Variants in SERPINB4 observed in about 807,000 individuals in gnomAD.
SERPINB4 encodes serpin family B member 4.
Under a neutral mutation model 33.2 loss-of-function variants are expected in SERPINB4, and 39 were observed. That is an observed-to-expected ratio of 1.18 (90% CI 0.91 to 1.53). The LOEUF (loss-of-function observed/expected upper bound fraction) is 1.53, where lower values mean the gene tolerates loss of function less well. Ranked by LOEUF, SERPINB4 falls within the 40% of genes most tolerant of loss-of-function variation. SERPINB4 has a pLI of 0.00. For synonymous variants in SERPINB4, 191 were observed against 166.4 expected, an observed-to-expected ratio of 1.15 and a Z score of -1.14; for missense variants, 564 against 455.4, an observed-to-expected ratio of 1.24 and a Z score of -2.17.
At chr18:63,641,963 A>T (rs1913148910) in intron 3 of SERPINB4, 75 bp from the exon 4 acceptor site, 2 of 1,593,824 alleles carry the variant, frequency 1.3e-6, no homozygotes, top group Non-Finnish European at 1.7e-6. Context: ...AGTCTGTTAG[A>T]TCAGTCCCTA....
intron 7 of SERPINB4, 45 bp from the exon 8 acceptor site, chr18:63,638,168 T>C: frequency 6.3e-7 from 1 of 1,576,712 alleles, no homozygotes; most frequent in Non-Finnish European, 8.6e-7. Context: ...ACTGTCGATC[T>C]CTAATACACC....
chr18:63,642,066 G>C (rs1339030088), intron 3 of SERPINB4, among the ~76,000 whole-genome samples, 178 bp from the exon 4 acceptor site: 4 of 152,004 alleles, frequency 2.6e-5, no homozygotes, highest in South Asian at 2.1e-4. Context: ...CCTTATATTT[G>C]ACTTCTTCCA....
In SERPINB4 at chr18:63,643,462, C is replaced by A; in HGVS notation, c.116G>T (p.Gly39Val). 1 of 1,613,676 alleles carries A rather than the reference C, an allele frequency of 6.2e-7. No homozygotes were observed. Among genetic ancestry groups the A allele is most frequent in the South Asian group, 1.1e-5 (1 of 91,064 alleles). Reference sequence around the variant, plus strand: ...GTCTTTGGCTCCTAAGAGGACCATCCCTAATGCTGATGTGATGCTGATAGG... The same window carrying A: ...GTCTTTGGCTCCTAAGAGGACCATCACTAATGCTGATGTGATGCTGATAGG... The part of the protein sequence containing the change: ...YSPISITSAL[G>V]MVLLGAKDNT... Residue 39 changes from glycine (G) to valine (V), a missense_variant, in exon 2 of 8, where the codon GGG becomes GTG. Gly to Val is a moderately radical substitution (Grantham distance 109, BLOSUM62 -3). Transcript: ENST00000341074.
In SERPINB4 at chr18:63,640,894, C is replaced by A; in HGVS notation, c.449G>T (p.Trp150Leu). The A allele has an allele frequency of 6.2e-7, 1 of 1,612,536 alleles. No homozygotes were observed. The change falls in exon 5 of 8, where the codon TGG becomes TTG. Residue 150 changes from tryptophan to leucine, a missense_variant. Trp to Leu is a moderately conservative substitution (Grantham distance 61, BLOSUM62 -2). Coordinates refer to ENST00000341074, the MANE Select transcript of SERPINB4 (RefSeq NM_002974.4). The stretch of plus-strand genomic sequence containing the variant: ...CCTACCATTCGTTTGACTTTCCACC[C>A]AGGAGTTAATCTTCTTTCGACTTTC... ...PEESRKKINS[W>L]VESQTNEKIK...
At chr18:63,642,712 TG>T (rs1913176608) in intron 3 of SERPINB4, among the ~76,000 whole-genome samples, 1 of 152,154 alleles carries the variant, frequency 6.6e-6, no homozygotes, top group Non-Finnish European at 1.5e-5. Flanking sequence ...CACATTATTA[TG>T]ATTAGTATAA....
Position 63,637,823 on chromosome 18 carries a change from G to T in SERPINB4, c.1069C>A (p.Pro357Thr), listed in dbSNP as rs370621712. The T allele has an allele frequency of 4.3e-6, 7 of 1,613,432 alleles. No individual in the cohort carries two copies. The highest frequency in any genetic ancestry group is 4.2e-6 in the Non-Finnish European group (5 of 1,179,704). Residue 357 changes from proline to threonine, a missense_variant, in exon 8 of 8, where the codon CCT (proline) becomes ACT (threonine). Transcript: ENST00000341074. Reference sequence around the variant, plus strand: ...CAACAGAACTCTTCATTAGTTGAAGGAGATGATAATTCGACTACTACTACA... The same window carrying T: ...CAACAGAACTCTTCATTAGTTGAAGTAGATGATAATTCGACTACTACTACA... ...TAVVVVELSS[P>T]STNEEFCCNH...
intron 3 of SERPINB4, among the ~76,000 whole-genome samples, chr18:63,642,437 C>T (rs1485218899): frequency 4.6e-5 from 7 of 152,100 alleles, no homozygotes; most frequent in Middle Eastern, 3.4e-3. Context: ...ATGGGTAACT[C>T]TAAGTCTTTA....
chr18:63,641,761 T>G lies in SERPINB4; in HGVS notation c.350A>C (p.Gln117Pro), dbSNP rs1475644927. 2 of 1,613,262 alleles carry G rather than the reference T, an allele frequency of 1.2e-6. No homozygotes were observed. Among genetic ancestry groups the G allele is most frequent in the Non-Finnish European group, 1.7e-6 (2 of 1,179,396 alleles). The stretch of plus-strand genomic sequence containing the variant: ...TGTGGGTAGGCCAGGTGAAATTACC[T>G]GTAAAAATTGATACGTCTTTTCTCC... The part of the protein sequence containing the change: ...LFGEKTYQFL[Q>P]EYLDAIKKFY... Residue 117 changes from glutamine (Q) to proline (P), a missense_variant and splice_region_variant, in exon 4 of 8, where the codon CAG (glutamine) becomes CCG (proline). Physicochemically the swap from Gln to Pro is moderately conservative, Grantham distance 76. Transcript: ENST00000341074.
intron 3 of SERPINB4, 96 bp downstream of exon 3, chr18:63,643,065 C>G: frequency 6.6e-7 from 1 of 1,507,626 alleles, no homozygotes; most frequent in Non-Finnish European, 9.1e-7. Context: ...AAGATTTTCC[C>G]TAAAACTGGC....
intron 6 of SERPINB4, 96 bp downstream of exon 6, chr18:63,639,537 AT>A (rs1298080598): frequency 1.9e-6 from 2 of 1,061,020 alleles, no homozygotes; most frequent in African/African-American, 1.6e-5. Flanking sequence ...GACATGAACA[AT>A]TTTTATTTTT....
chr18:63,639,641 G>T lies in SERPINB4; in HGVS notation c.605C>A (p.Pro202Gln), dbSNP rs770137016. The T allele has an allele frequency of 8.8e-6, 14 of 1,595,974 alleles. No individual in the cohort carries two copies. Among genetic ancestry groups the T allele is most frequent in the Non-Finnish European group, 1.1e-5 (13 of 1,165,228 alleles). ...KENTKEEKFW[P>Q]NKNTYKSVQM... Reference sequence around the variant, plus strand: ...ATAAAATATAGACAATACCTTGTTTGGCCAAAATTTTTCCTCTTTAGTGTT... The same window carrying T: ...ATAAAATATAGACAATACCTTGTTTTGCCAAAATTTTTCCTCTTTAGTGTT... The change falls in exon 6 of 8, where the codon CCA becomes CAA. Residue 202 changes from proline to glutamine, a missense_variant. Coordinates refer to ENST00000341074, the MANE Select transcript of SERPINB4 (RefSeq NM_002974.4).
intron 3 of SERPINB4, 58 bp downstream of exon 3, chr18:63,643,103 G>A: frequency 2.1e-5 from 33 of 1,607,566 alleles, no homozygotes; most frequent in Non-Finnish European, 2.8e-5. Flanking sequence ...GAAGTTCCAG[G>A]TTTAAACTAT....
intron 1 of SERPINB4, among the ~76,000 whole-genome samples, chr18:63,643,928 C>T (rs1913228235): frequency 1.3e-5 from 2 of 151,954 alleles, no homozygotes; most frequent in South Asian, 4.2e-4. Flanking sequence ...CTGTGGATCA[C>T]ATCCAACCAG....
rs768329404 is a variant in SERPINB4 at position 63,637,802 on chromosome 18, A to G, written c.1090T>C (p.Cys364Arg). The change falls in exon 8 of 8, where the codon TGT (cysteine) becomes CGT (arginine). Residue 364 changes from cysteine (C) to arginine (R), a missense_variant. By Grantham distance (180) the Cys-to-Arg change is radical (BLOSUM62 -3). Coordinates refer to ENST00000341074, the MANE Select transcript of SERPINB4 (RefSeq NM_002974.4). ...AAGAATAGGAAAGGGTGATTACAAC[A>G]GAACTCTTCATTAGTTGAAGGAGAT... ...LSSPSTNEEF[C>R]CNHPFLFFIR... 10 of 1,613,394 alleles carry G rather than the reference A, an allele frequency of 6.2e-6. No individual in the cohort carries two copies. The highest frequency in any genetic ancestry group is 4.0e-5 in the African/African-American group (3 of 74,836).
At chr18:63,639,851 C>T (rs1389096184) in intron 5 of SERPINB4, 75 bp from the exon 6 acceptor site, 7 of 1,330,306 alleles carry the variant, frequency 5.3e-6, no homozygotes, top group African/African-American at 3.0e-5. Flanking sequence ...TGCAAATGTT[C>T]GTGACTGATC....
chr18:63,643,140 C>T (rs2687472), intron 3 of SERPINB4, 21 bp downstream of exon 3: 319,261 of 1,612,382 alleles, frequency 0.2, 33,341 homozygotes, highest in Middle Eastern at 0.24. Flanking sequence ...TAAAGCTGAA[C>T]CATAGTGCTC....
Position 63,637,793 on chromosome 18 carries a change from G to A in SERPINB4, c.1099C>T (p.His367Tyr), listed in dbSNP as rs2144460640. The A allele has an allele frequency of 6.2e-7, 1 of 1,613,446 alleles. No individual in the cohort carries two copies. The highest frequency in any genetic ancestry group is 8.5e-7 in the Non-Finnish European group (1 of 1,179,644). ...TGCCTTATGAAGAATAGGAAAGGGT[G>A]ATTACAACAGAACTCTTCATTAGTT... ...PSTNEEFCCN[H>Y]PFLFFIRQNK... Residue 367 changes from histidine to tyrosine, a missense_variant, in exon 8 of 8, where the codon CAC becomes TAC. Transcript: ENST00000341074.
Position 63,639,091 on chromosome 18 carries a change from G to T in SERPINB4, c.768+94C>A, listed in dbSNP as rs1273510705. ...ATTTAGAATTTTTCATCATTTTGAGGCAACTCGGTCATAAGCTTTTACCTT... is the reference window on the plus strand; with the variant it reads ...ATTTAGAATTTTTCATCATTTTGAGTCAACTCGGTCATAAGCTTTTACCTT... On this transcript the variant is annotated intron_variant, in intron 7 of 7. Transcript: ENST00000341074. 21 of 1,367,520 alleles carry T rather than the reference G, an allele frequency of 1.5e-5. No homozygotes were observed. The South Asian group carries it at 3.6e-4, about 23-fold the overall frequency. 84.7% of individuals were successfully genotyped at this position (1,367,520 alleles called of 1,614,324 possible).
Position 63,641,897 on chromosome 18 carries a change from A to C in SERPINB4, c.223-9T>G. ...TTTCCTGACCTATCAACCTTCAAAC[A>C]TCAAAAAGGGAGATCATTCAATTGC... On this transcript the variant is annotated splice_polypyrimidine_tract_variant and intron_variant, in intron 3 of 7. Coordinates refer to ENST00000341074, the MANE Select transcript of SERPINB4 (RefSeq NM_002974.4). 1 of 1,612,550 alleles carries C rather than the reference A, an allele frequency of 6.2e-7. No homozygotes were observed. Among genetic ancestry groups the C allele is most frequent in the Admixed American group, 1.7e-5 (1 of 59,796 alleles).
Sources: gnomAD v4.1 joint callset for allele counts (sites outside exome capture counted in the v4.1 genomes callset) on GRCh38, gnomAD v4.1.1 for gene constraint, MANE v1.5 for transcripts, NCBI Gene and HGNC (gene_info 2026-07-23, HGNC 2026-07-21) for gene names.